The following PIWIL2 variants were observed in gnomAD, a reference collection of about 807,000 sequenced individuals.
The protein encoded by PIWIL2 is piwi-like protein 2.
Under a neutral mutation model 116.5 loss-of-function variants are expected in PIWIL2, and 81 were observed. That is an observed-to-expected ratio of 0.70 (90% confidence interval 0.58 to 0.84). The LOEUF is 0.84. Ranked by LOEUF, PIWIL2 falls within the 40% of genes least tolerant of loss-of-function variation. PIWIL2 has a pLI of 0.00. For synonymous variants in PIWIL2, 489 were observed against 429.5 expected, an observed-to-expected ratio of 1.14 and a Z score of -1.71; for missense variants, 1,272 against 1,212.3, an observed-to-expected ratio of 1.05 and a Z score of -0.73.
intron 20 of PIWIL2, among the ~76,000 whole-genome samples, chr8:22,334,990 G>C (rs1384914274): frequency 6.6e-6 from 1 of 151,680 alleles, no homozygotes; most frequent in East Asian, 1.9e-4. Context: ...AGGAGATGGA[G>C]GTTGCAGCGA....
At chr8:22,338,446 T>A (rs1052661781) in intron 20 of PIWIL2, among the ~76,000 whole-genome samples, 1 of 152,138 alleles carries the variant, frequency 6.6e-6, no homozygotes, top group Non-Finnish European at 1.5e-5. Flanking sequence ...ATCTTAGCAC[T>A]TTAGAAGACC....
rs34495366 is a variant in PIWIL2, at chr8:22,341,595, CA to C, written c.2404-11346del. On this transcript the variant is annotated intron_variant, in intron 20 of 22. Coordinates refer to ENST00000356766, the MANE Select transcript of PIWIL2 (RefSeq NM_018068.5). ...GGGCAACAACAGCGAAACTCCGTCTCAAAAAAAAAAAAAAAAAAGATTCCCA... is the reference window on the plus strand; with the variant it reads ...GGGCAACAACAGCGAAACTCCGTCTCAAAAAAAAAAAAAAAAAGATTCCCA... Among the ~76,000 whole-genome samples, 649 of 99,474 alleles carry C rather than the reference CA, an allele frequency of 6.5e-3. 4 individuals carry two copies. The highest frequency in any genetic ancestry group is 0.026 in the African/African-American group (521 of 20,254). 65.3% of individuals were successfully genotyped at this position (99,474 alleles called of 152,430 possible). A position where few individuals can be genotyped will look rare whatever the true frequency, so the allele number is the denominator to read the frequency against.
intron 9 of PIWIL2, 67 bp from the exon 10 acceptor site, chr8:22,290,166 C>A: frequency 1.1e-6 from 1 of 929,912 alleles, no homozygotes; most frequent in South Asian, 1.5e-5. Context: ...ATGTTTTGTT[C>A]ACATGGGGGC....
chr8:22,325,263 G>A (rs1008944091), intron 20 of PIWIL2, among the ~76,000 whole-genome samples: 1 of 152,164 alleles, frequency 6.6e-6, no homozygotes, highest in Non-Finnish European at 1.5e-5. Context: ...TAGTGGAGAT[G>A]TTTGCTAGGC....
chr8:22,313,725 C>A (rs1417917701), intron 16 of PIWIL2, among the ~76,000 whole-genome samples: 1 of 152,140 alleles, frequency 6.6e-6, no homozygotes, highest in Non-Finnish European at 1.5e-5. Context: ...TTGAAAGGTC[C>A]TCTTTTTTCA....
chr8:22,327,313 C>A (rs1249175829), intron 20 of PIWIL2, among the ~76,000 whole-genome samples: 2 of 148,012 alleles, frequency 1.4e-5, no homozygotes, highest in Non-Finnish European at 3.0e-5. Context: ...AGGCACCACG[C>A]CTGGCCTTTT....
Position 22,318,354 on chromosome 8 carries a change from G to T in PIWIL2, c.2403+79G>T, listed in dbSNP as rs1287338638. 1.7e-5 allele frequency: 13 copies of T among 784,912 alleles called. No individual in the cohort carries two copies. In the East Asian group the frequency reaches 2.8e-4, roughly 17 times the overall value. 48.6% of individuals were successfully genotyped at this position (784,912 alleles called of 1,614,324 possible). On this transcript the variant is annotated intron_variant, in intron 20 of 22. Coordinates refer to ENST00000356766, the MANE Select transcript of PIWIL2 (RefSeq NM_018068.5). ...TTTTTTGAGACAGAGTCTCACTCTT[G>T]TCGCCCAGGTTGGAGTGCAGTGGTG...
In PIWIL2 at chr8:22,309,751, A is replaced by C. The variant is rs1019476394; in HGVS notation, c.1687-210A>C. The stretch of plus-strand genomic sequence containing the variant: ...GTGGAAGCTTCAATAATGAAAGACT[A>C]GTACCTATAATAATTTTACCTATAT... On this transcript the variant is annotated intron_variant, in intron 14 of 22. Transcript: ENST00000356766. 2.0e-5 allele frequency among the ~76,000 whole-genome samples: 3 copies of C among 152,334 alleles called. No individual in the cohort carries two copies. The South Asian group carries it at 6.2e-4, about 32-fold the overall frequency.
chr8:22,345,686 A>T (rs544536757), intron 20 of PIWIL2, among the ~76,000 whole-genome samples: 2 of 152,172 alleles, frequency 1.3e-5, no homozygotes, highest in African/African-American at 4.8e-5. Flanking sequence ...AAATAATTTT[A>T]AAAACCCACA....
chr8:22,329,983 C>T (rs1831819673), intron 20 of PIWIL2, among the ~76,000 whole-genome samples: 1 of 152,096 alleles, frequency 6.6e-6, no homozygotes, highest in African/African-American at 2.4e-5. Context: ...AATGTTTTTC[C>T]TCAAATTTGG....
chr8:22,287,037 A>G (rs1295766876), intron 6 of PIWIL2, among the ~76,000 whole-genome samples: 1 of 152,000 alleles, frequency 6.6e-6, no homozygotes, highest in Non-Finnish European at 1.5e-5. Context: ...GTGAGCTATG[A>G]TCATGCCAGT....
chr8:22,329,720 G>A (rs1169869456), intron 20 of PIWIL2, among the ~76,000 whole-genome samples: 1 of 152,202 alleles, frequency 6.6e-6, no homozygotes, highest in Admixed American at 6.5e-5. Context: ...CTTTGTTCCT[G>A]TATAGTTCTA....
At chr8:22,330,331 T>C (rs1831827971) in intron 20 of PIWIL2, among the ~76,000 whole-genome samples, 1 of 152,158 alleles carries the variant, frequency 6.6e-6, no homozygotes, top group African/African-American at 2.4e-5. Flanking sequence ...AGTCTTTATT[T>C]GGTGAGACAC....
intron 2 of PIWIL2, among the ~76,000 whole-genome samples, chr8:22,280,005 A>G (rs946738780): frequency 1.3e-5 from 2 of 152,176 alleles, no homozygotes; most frequent in African/African-American, 2.4e-5. Flanking sequence ...CTAAACAGAA[A>G]CAAGGTTGTC....
chr8:22,315,030 T>C lies in PIWIL2; in HGVS notation c.2093T>C (p.Val698Ala). Residue 698 changes from valine to alanine, a missense_variant and splice_region_variant, in exon 18 of 23, where the codon GTT (valine) becomes GCT (alanine). Transcript: ENST00000356766. ...CCVQSPVPSQ[V>A]VNVRTIGQPT... is the part of the protein sequence containing the mutation. ...CACCTTTTGGTCCCTTCATTATAGGTTGTCAATGTTCGAACCATTGGTCAG... is the reference window on the plus strand; with the variant it reads ...CACCTTTTGGTCCCTTCATTATAGGCTGTCAATGTTCGAACCATTGGTCAG... The C allele has an allele frequency of 6.3e-7, 1 of 1,598,992 alleles. No homozygotes were observed. Among genetic ancestry groups the C allele is most frequent in the Non-Finnish European group, 8.6e-7 (1 of 1,166,186 alleles).
chr8:22,355,605 A>G lies in PIWIL2; in HGVS notation c.*100A>G. On this transcript the variant is annotated 3_prime_UTR_variant, in exon 23 of 23. Coordinates refer to ENST00000356766, the MANE Select transcript of PIWIL2 (RefSeq NM_018068.5). ...AGAGACTGAAGTGGGCTTTTGTGTT[A>G]TAATTTTCCCTTTCTCCAACCCTGT... The G allele has an allele frequency of 1.8e-6, 2 of 1,082,574 alleles. 1 individual carries two copies. The highest frequency in any genetic ancestry group is 2.9e-5 in the South Asian group (2 of 68,586). 67.1% of individuals were successfully genotyped at this position (1,082,574 alleles called of 1,614,324 possible).
intron 20 of PIWIL2, among the ~76,000 whole-genome samples, chr8:22,328,270 A>T (rs893415407): frequency 4.6e-5 from 7 of 152,214 alleles, no homozygotes; most frequent in Non-Finnish European, 1.0e-4. Context: ...TGGACTGCTA[A>T]TTCTATTCCA....
At chr8:22,349,304 C>T (rs1474050800) in intron 20 of PIWIL2, among the ~76,000 whole-genome samples, 1 of 150,530 alleles carries the variant, frequency 6.6e-6, no homozygotes, top group Admixed American at 6.6e-5. Flanking sequence ...ACACTGCACC[C>T]GGCCTTCTAT....
chr8:22,346,775 A>C (rs1361860902), intron 20 of PIWIL2, among the ~76,000 whole-genome samples: 2 of 152,000 alleles, frequency 1.3e-5, no homozygotes, highest in Non-Finnish European at 2.9e-5. Flanking sequence ...AGCCAGGCAT[A>C]GTGGTGCATG....
Sources: gnomAD v4.1 joint callset for allele counts (sites outside exome capture counted in the v4.1 genomes callset) on GRCh38, gnomAD v4.1.1 for gene constraint, MANE v1.5 for transcripts, NCBI Gene and HGNC (gene_info 2026-07-23, HGNC 2026-07-21) for gene names.